TRIM63: variants seen among roughly 807,000 people sequenced by gnomAD.
The protein encoded by TRIM63 is E3 ubiquitin-protein ligase TRIM63.
TRIM63 carries 48 observed loss-of-function variants against 46.0 expected under a neutral mutation model. The observed-to-expected ratio is 1.04, with a 90% CI of 0.83 to 1.33. The LOEUF is 1.33. Among genes scored for constraint, TRIM63 ranks in the 40% most tolerant of loss-of-function variants. The pLI is 0.00. For missense variants in TRIM63, 455 were observed against 441.2 expected, an observed-to-expected ratio of 1.03 and a Z score of -0.28; for synonymous variants, 175 against 162.8, an observed-to-expected ratio of 1.08 and a Z score of -0.57.
chr1:26,066,600 G>A (rs2050680815), intron 1 of TRIM63, among the ~76,000 whole-genome samples, 160 bp from the exon 2 acceptor site: 1 of 152,148 alleles, frequency 6.6e-6, no homozygotes, highest in Non-Finnish European at 1.5e-5. Context: ...CTCACACACA[G>A]AGCACCTGAG....
rs376108137 is a variant in TRIM63 at position 26,051,815 on chromosome 1, C to A, written c.*58G>T. The A allele has an allele frequency of 4.0e-5, 18 of 445,968 alleles. No homozygotes were observed. Among genetic ancestry groups the A allele is most frequent in the Non-Finnish European group, 5.5e-5 (16 of 293,534 alleles). 27.6% of individuals were successfully genotyped at this position (445,968 alleles called of 1,614,324 possible). On this transcript the variant is annotated 3_prime_UTR_variant, in exon 9 of 9. Transcript: ENST00000374272. The stretch of plus-strand genomic sequence containing the variant: ...TGGGCCTGTCACCAAGGCCGCTGGG[C>A]CCCTCCCCACCCTCTCCAGTCTCTC...
At position 26,067,152 on chromosome 1, in the gene TRIM63, A is replaced by G. The variant is rs373060772; in HGVS notation, c.159+184T>C. ...GGGAGGGGAAACTTGTGTTATGGAG[A>G]AGAACCGCAGCAGCCAGAGCCGCCT... is the stretch of plus-strand genomic sequence containing the variant. On this transcript the variant is annotated intron_variant, in intron 1 of 8. Coordinates refer to ENST00000374272, the MANE Select transcript of TRIM63 (RefSeq NM_032588.4). Among the ~76,000 whole-genome samples the G allele has an allele frequency of 2.6e-5, 4 of 151,552 alleles. No individual in the cohort carries two copies. In the East Asian group the frequency reaches 7.8e-4, roughly 30 times the overall value.
chr1:26,054,347 G>A (rs913084198), intron 7 of TRIM63, among the ~76,000 whole-genome samples: 15 of 152,306 alleles, frequency 9.8e-5, no homozygotes, highest in Non-Finnish European at 2.1e-4. Context: ...CGATCCTCAG[G>A]GATCAGAGTC....
rs749882314 is a variant in TRIM63, at chr1:26,058,522, C to T, written c.699G>A (p.Gln233=). Residue 233 remains glutamine (Q), a synonymous_variant, in exon 5 of 9, where the codon CAG becomes CAA. Transcript: ENST00000374272. ...TGAAGCTAAGCTTTTTCTCCTGCTCCTGCGTGATCCGCTGCAGCAACTCAC... is the reference window on the plus strand; with the variant it reads ...TGAAGCTAAGCTTTTTCTCCTGCTCTTGCGTGATCCGCTGCAGCAACTCAC... The part of the protein sequence containing the change: ...KKSELLQRIT[Q]EQEKKLSFIE... 1.2e-6 allele frequency: 2 copies of T among 1,614,202 alleles called. No individual in the cohort carries two copies. The highest frequency in any genetic ancestry group is 2.2e-5 in the East Asian group (1 of 44,884).
At chr1:26,058,303 C>T in intron 5 of TRIM63, 87 bp downstream of exon 5, 1 of 1,196,342 alleles carries the variant, frequency 8.4e-7, no homozygotes, top group Non-Finnish European at 1.2e-6. Context: ...TCCAAGGGCC[C>T]ATGGGTGGTC....
At chr1:26,059,623 C>T (rs1036046597) in intron 4 of TRIM63, among the ~76,000 whole-genome samples, 1 of 152,178 alleles carries the variant, frequency 6.6e-6, no homozygotes, top group African/African-American at 2.4e-5. Flanking sequence ...TCCTTCCTAC[C>T]CTTCGCCCAA....
At chr1:26,060,881 G>A (rs1471837746) in intron 3 of TRIM63, among the ~76,000 whole-genome samples, 1 of 152,194 alleles carries the variant, frequency 6.6e-6, no homozygotes, top group African/African-American at 2.4e-5. Flanking sequence ...CTGGGGGATG[G>A]AGAAGCCGTG....
intron 2 of TRIM63, among the ~76,000 whole-genome samples, chr1:26,063,637 A>G (rs978727860): frequency 1.3e-5 from 2 of 152,128 alleles, no homozygotes; most frequent in Non-Finnish European, 1.5e-5. Flanking sequence ...AGACTTTGGC[A>G]TCGGGGTTCA....
At chr1:26,056,353 T>A (rs1038200537) in intron 7 of TRIM63, among the ~76,000 whole-genome samples, 18 of 152,282 alleles carry the variant, frequency 1.2e-4, no homozygotes, top group African/African-American at 4.3e-4. Context: ...GTTGATCAAT[T>A]AAGGTGCCTG....
intron 2 of TRIM63, among the ~76,000 whole-genome samples, chr1:26,064,004 T>C (rs2050650719): frequency 6.6e-6 from 1 of 152,214 alleles, no homozygotes; most frequent in Non-Finnish European, 1.5e-5. Context: ...ATTAAGAATA[T>C]TCACCGGCCG....
intron 8 of TRIM63, among the ~76,000 whole-genome samples, chr1:26,052,966 G>C (rs1017332749): frequency 6.6e-6 from 1 of 152,146 alleles, no homozygotes; most frequent in Non-Finnish European, 1.5e-5. Flanking sequence ...TTAAGAGACA[G>C]TGTAGTGTCC....
intron 7 of TRIM63, 34 bp from the exon 8 acceptor site, chr1:26,053,998 C>T: frequency 6.6e-7 from 1 of 1,514,600 alleles, no homozygotes; most frequent in African/African-American, 1.4e-5. Flanking sequence ...TAGGATGGGG[C>T]CGGTTCCTTG....
intron 3 of TRIM63, 43 bp from the exon 4 acceptor site, chr1:26,060,404 GC>G (rs756973407): frequency 6.7e-7 from 1 of 1,495,168 alleles, no homozygotes; most frequent in Non-Finnish European, 9.3e-7. Flanking sequence ...GACACAAATA[GC>G]CTCAGGGCCT....
At chr1:26,056,141 G>T (rs1386158704) in intron 7 of TRIM63, among the ~76,000 whole-genome samples, 1 of 152,188 alleles carries the variant, frequency 6.6e-6, no homozygotes, top group African/African-American at 2.4e-5. Flanking sequence ...AGCAATGTGG[G>T]ATCTGCCCTC....
At chr1:26,063,801 A>G (rs1413390733) in intron 2 of TRIM63, among the ~76,000 whole-genome samples, 1 of 152,228 alleles carries the variant, frequency 6.6e-6, no homozygotes, top group African/African-American at 2.4e-5. Context: ...GACCCTCAAT[A>G]GAGGGCAGCT....
At position 26,052,047 on chromosome 1, in the gene TRIM63, C is replaced by T. The variant is rs112290222; in HGVS notation, c.1052-164G>A. On this transcript the variant is annotated intron_variant, in intron 8 of 8. Coordinates refer to ENST00000374272, the MANE Select transcript of TRIM63 (RefSeq NM_032588.4). ...AAAACCAAAATAGAATTTAGCTGCC[C>T]AAATATTATGGATTGTACATCAGTA... 4.1e-3 allele frequency among the ~76,000 whole-genome samples: 620 copies of T among 152,266 alleles called. 2 individuals are homozygous for T. Among genetic ancestry groups the T allele is most frequent in the African/African-American group, 0.014 (568 of 41,552 alleles).
chr1:26,060,943 G>A (rs1230079674), intron 3 of TRIM63, among the ~76,000 whole-genome samples: 3 of 152,172 alleles, frequency 2.0e-5, no homozygotes, highest in Non-Finnish European at 4.4e-5. Flanking sequence ...CTCCCCTGTG[G>A]CCACACCCAG....
chr1:26,066,250 GC>G lies in TRIM63; in HGVS notation c.332+17del. ...GGCTGGGAAGGAGGGCGGGCCCCCA[GC>G]AGGCACGAGAACCGACCTGGAGCAC... On this transcript the variant is annotated intron_variant, in intron 2 of 8. Transcript: ENST00000374272. 6.2e-7 allele frequency: 1 copy of G among 1,613,580 alleles called. No individual in the cohort carries two copies. The highest frequency in any genetic ancestry group is 8.5e-7 in the Non-Finnish European group (1 of 1,179,880).
rs1225190107 is a variant in TRIM63, at chr1:26,062,282, AAAAG to A, written c.333-952_333-949del. 6.0e-3 allele frequency among the ~76,000 whole-genome samples: 897 copies of A among 150,400 alleles called. 8 individuals carry two copies. The highest frequency in any genetic ancestry group is 0.019 in the African/African-American group (785 of 40,566). ...CAAAACTCCGTCTCAAAAAAAAAAA[AAAAG>A]AAAGAAAGAAAGAAAGAATAAATTA... is the stretch of plus-strand genomic sequence containing the variant. On this transcript the variant is annotated intron_variant, in intron 2 of 8. Coordinates refer to ENST00000374272, the MANE Select transcript of TRIM63 (RefSeq NM_032588.4).
Sources: allele counts gnomAD v4.1 joint callset (sites outside exome capture counted in the v4.1 genomes callset), GRCh38; gene constraint gnomAD v4.1.1; transcripts MANE v1.5; gene names NCBI Gene and HGNC (gene_info 2026-07-23, HGNC 2026-07-21).